The following ELAVL2 variants were observed in gnomAD, a reference collection of about 807,000 sequenced individuals.
The protein encoded by ELAVL2 is ELAV-like protein 2.
ELAVL2 carries 4 observed loss-of-function variants against 34.6 expected under a neutral mutation model. The observed-to-expected ratio is 0.12, with a 90% CI of 0.06 to 0.26. The LOEUF (loss-of-function observed/expected upper bound fraction) is 0.26. Among genes scored for constraint, ELAVL2 ranks in the 10% least tolerant of loss-of-function variants. The pLI, the probability that ELAVL2 is intolerant of heterozygous loss-of-function variation, is 1.00. For synonymous variants in ELAVL2, 193 were observed against 154.8 expected, an observed-to-expected ratio of 1.25 and a Z score of -1.83; for missense variants, 432 against 442.8, an observed-to-expected ratio of 0.98 and a Z score of 0.22.
At chr9:23,840,224 G>A in the ELAVL2 span, among the ~76,000 whole-genome samples, 1 of 152,304 alleles carries the variant, frequency 6.6e-6, no homozygotes, top group East Asian at 1.9e-4. Flanking sequence ...TCAAGTGCCT[G>A]GCACAGAGTC....
At chr9:23,812,943 GC>G (rs1680483326) in intron 1 of ELAVL2, among the ~76,000 whole-genome samples, 1 of 152,062 alleles carries the variant, frequency 6.6e-6, no homozygotes, top group African/African-American at 2.4e-5. Flanking sequence ...ATCCTAAGAA[GC>G]TACATTAATG....
chr9:23,830,466 C>G (rs1461919415), upstream of ELAVL2, among the ~76,000 whole-genome samples: 5 of 152,018 alleles, frequency 3.3e-5, no homozygotes, highest in Admixed American at 6.6e-5. Context: ...ATATTCCCCC[C>G]GAATCCTGAG....
chr9:23,706,353 G>A (rs1167605000), intron 3 of ELAVL2, among the ~76,000 whole-genome samples: 1 of 152,174 alleles, frequency 6.6e-6, no homozygotes, highest in Non-Finnish European at 1.5e-5. Flanking sequence ...CCTGACATGT[G>A]ATAGATGCTA....
At chr9:23,738,933 C>G (rs1304900117) in intron 2 of ELAVL2, among the ~76,000 whole-genome samples, 3 of 152,150 alleles carry the variant, frequency 2.0e-5, no homozygotes, top group Admixed American at 2.0e-4. Context: ...TATGAATCTG[C>G]TGGCAATGCG....
chr9:23,693,609 A>C, intron 5 of ELAVL2, 123 bp from the exon 6 acceptor site: 1 of 1,184,938 alleles, frequency 8.4e-7, no homozygotes, highest in Non-Finnish European at 1.2e-6. Flanking sequence ...GTGAAGACTC[A>C]GAATGCTGGG....
Position 23,692,611 on chromosome 9 carries a change from C to T in ELAVL2, c.1026G>A (p.Leu342=). ...MAIASLNGYR[L]GDRVLQVSFK... ...AGGAGACCTGCAGTACTCTGTCTCC[C>T]AGACGGTATCCATTGAGGCTAGCTA... is the stretch of plus-strand genomic sequence containing the variant. Residue 342 remains leucine (L), a synonymous_variant, in exon 7 of 7, where the codon CTG becomes CTA. Coordinates refer to ENST00000397312, the MANE Select transcript of ELAVL2 (RefSeq NM_004432.5). 1 of 1,614,140 alleles carries T rather than the reference C, an allele frequency of 6.2e-7. No homozygotes were observed. Among genetic ancestry groups the T allele is most frequent in the Non-Finnish European group, 8.5e-7 (1 of 1,179,990 alleles).
At chr9:23,731,289 C>A (rs150835094) in intron 2 of ELAVL2, among the ~76,000 whole-genome samples, 164 bp from the exon 3 acceptor site, 1 of 152,198 alleles carries the variant, frequency 6.6e-6, no homozygotes, top group East Asian at 1.9e-4. Flanking sequence ...CTTTATGTCT[C>A]CTGTCTACTA....
intron 1 of ELAVL2, among the ~76,000 whole-genome samples, chr9:23,767,517 A>C (rs1414124323): frequency 2.0e-5 from 3 of 152,214 alleles, no homozygotes; most frequent in Admixed American, 6.5e-5. Context: ...TCGGCGGCTC[A>C]CGTCTGTAAT....
At chr9:23,720,961 T>C (rs1485907715) in intron 3 of ELAVL2, among the ~76,000 whole-genome samples, 1 of 152,192 alleles carries the variant, frequency 6.6e-6, no homozygotes, top group Non-Finnish European at 1.5e-5. Context: ...CCACTGATCC[T>C]GATAAACATT....
rs1396032042 is a variant in ELAVL2, at chr9:23,762,218, G to A, written c.17C>T (p.Ser6Phe). Residue 6 changes from serine (S) to phenylalanine (F), a missense_variant, in exon 2 of 7, where the codon TCT (serine) becomes TTT (phenylalanine). Coordinates refer to ENST00000397312, the MANE Select transcript of ELAVL2 (RefSeq NM_004432.5). ...TGTGTTATTGCAAGTTGGCCCATTA[G>A]ACAGTTGTGTTTCCATGGCAGCAAT... METQLSNGPTCNNTAN... is the reference protein window; with the variant it reads METQLFNGPTCNNTAN... 2.5e-6 allele frequency: 4 copies of A among 1,613,378 alleles called. No homozygotes were observed. Among genetic ancestry groups the A allele is most frequent in the Admixed American group, 1.7e-5 (1 of 59,956 alleles).
chr9:23,726,234 A>G (rs970679237), intron 3 of ELAVL2, among the ~76,000 whole-genome samples: 1 of 152,112 alleles, frequency 6.6e-6, no homozygotes, highest in Non-Finnish European at 1.5e-5. Context: ...CAAAAAATAG[A>G]TAATACTATT....
At chr9:23,781,637 C>G (rs2059078884) in intron 1 of ELAVL2, among the ~76,000 whole-genome samples, 1 of 151,538 alleles carries the variant, frequency 6.6e-6, no homozygotes, top group Non-Finnish European at 1.5e-5. Flanking sequence ...ACCTCAGCCT[C>G]TTGAGTAGCT....
chr9:23,808,966 A>C (rs910536920), intron 1 of ELAVL2, among the ~76,000 whole-genome samples: 5 of 152,184 alleles, frequency 3.3e-5, no homozygotes, highest in Admixed American at 6.6e-5. Context: ...AAATTTAAGG[A>C]AACACAACAA....
intron 1 of ELAVL2, among the ~76,000 whole-genome samples, chr9:23,767,911 A>G (rs1049257603): frequency 1.3e-5 from 2 of 152,184 alleles, no homozygotes; most frequent in African/African-American, 2.4e-5. Context: ...TGCGGGTTAA[A>G]GTCATAGCAG....
intron 2 of ELAVL2, among the ~76,000 whole-genome samples, chr9:23,760,783 T>G (rs1336773930): frequency 1.3e-5 from 2 of 152,070 alleles, no homozygotes; most frequent in African/African-American, 2.4e-5. Context: ...TACTTAGCTT[T>G]TTAACTTGAT....
intron 1 of ELAVL2, among the ~76,000 whole-genome samples, chr9:23,765,788 C>G (rs962699088): frequency 6.6e-6 from 1 of 152,058 alleles, no homozygotes; most frequent in Non-Finnish European, 1.5e-5. Flanking sequence ...GAGTAATGCT[C>G]GCATAGGATG....
the ELAVL2 span, chr9:23,847,436 C>T: frequency 6.6e-6 from 1 of 151,966 alleles, no homozygotes; most frequent in African/African-American, 2.4e-5. Flanking sequence ...GAATCAATGA[C>T]TTTCTATGAG....
At chr9:23,739,963 C>A (rs1261595058) in intron 2 of ELAVL2, among the ~76,000 whole-genome samples, 1 of 152,098 alleles carries the variant, frequency 6.6e-6, no homozygotes, top group Admixed American at 6.6e-5. Flanking sequence ...CCATGGAGAG[C>A]TCCCCATTTT....
intron 1 of ELAVL2, among the ~76,000 whole-genome samples, chr9:23,800,368 C>T (rs568235735): frequency 1.3e-5 from 2 of 152,154 alleles, no homozygotes; most frequent in African/African-American, 2.4e-5. Context: ...ATGCAGGGGC[C>T]TAAGTGCACC....
Sources: gnomAD v4.1 joint callset for allele counts (sites outside exome capture counted in the v4.1 genomes callset) on GRCh38, gnomAD v4.1.1 for gene constraint, MANE v1.5 for transcripts, NCBI Gene and HGNC (gene_info 2026-07-23, HGNC 2026-07-21) for gene names.